The following ENOSF1 variants were observed in gnomAD, a reference collection of about 807,000 sequenced individuals.
ENOSF1 encodes the protein enolase superfamily member 1, also known as mitochondrial enolase superfamily member 1.
A neutral mutation model predicts 68.2 loss-of-function variants in ENOSF1; 73 were observed. The observed-to-expected ratio is 1.07, with a 90% confidence interval of 0.89 to 1.30. The LOEUF is 1.30. ENOSF1 is among the 50% of genes most tolerant of loss of function. The pLI is 0.00. For missense variants in ENOSF1, 589 were observed against 554.5 expected, an observed-to-expected ratio of 1.06 and a Z score of -0.62; for synonymous variants, 223 against 210.4, an observed-to-expected ratio of 1.06 and a Z score of -0.52.
intron 1 of ENOSF1, among the ~76,000 whole-genome samples, chr18:709,768 T>TAA (rs557376583): frequency 7.0e-6 from 1 of 143,862 alleles, no homozygotes. Context: ...AGACTCTGTC[T>TAA]AAAAAAAAAA....
At chr18:667,023 A>C (rs377610455), downstream of ENOSF1, among the ~76,000 whole-genome samples, 2 of 4,116 alleles carry the variant, frequency 4.9e-4, no homozygotes, top group African/African-American at 1.2e-3. Flanking sequence ...ATGGAGATGG[A>C]GATGGTGATG....
chr18:688,335 A>C, intron 9 of ENOSF1: 1 of 517,684 alleles, frequency 1.9e-6, no homozygotes, highest in East Asian at 3.2e-5. Context: ...TAGTGCCCGA[A>C]ATAAACAATC....
chr18:709,032 G>A (rs1729737602), intron 1 of ENOSF1, among the ~76,000 whole-genome samples: 3 of 152,220 alleles, frequency 2.0e-5, no homozygotes, highest in Admixed American at 2.0e-4. Context: ...TTGGGTCCCT[G>A]TGATTAGCGG....
chr18:666,960 T>G (rs1598468309), downstream of ENOSF1, among the ~76,000 whole-genome samples: 1 of 22,622 alleles, frequency 4.4e-5, no homozygotes, highest in Non-Finnish European at 8.4e-5. Flanking sequence ...GTGATGGAGA[T>G]GGAGATGGTG....
intron 9 of ENOSF1, chr18:686,929 CT>C (rs1463837140): frequency 3.3e-5 from 5 of 152,312 alleles, no homozygotes; most frequent in African/African-American, 9.7e-5. Flanking sequence ...GAGAGGGTGG[CT>C]GGCCTTAGGC....
At chr18:709,834 T>A (rs147868023) in intron 1 of ENOSF1, among the ~76,000 whole-genome samples, 1 of 152,132 alleles carries the variant, frequency 6.6e-6, no homozygotes, top group East Asian at 1.9e-4. Context: ...CTTGAAAATA[T>A]CCTACTTCTG....
chr18:692,563 C>T (rs1182152320), intron 5 of ENOSF1: 1 of 340,862 alleles, frequency 2.9e-6, no homozygotes, highest in Non-Finnish European at 4.1e-6. Context: ...TGCCACTGTA[C>T]TGTAGCCTGG....
At chr18:712,046 TA>T (rs1485960357) in intron 1 of ENOSF1, among the ~76,000 whole-genome samples, 1 of 152,208 alleles carries the variant, frequency 6.6e-6, no homozygotes, top group Non-Finnish European at 1.5e-5. Context: ...CGCTGTGCTC[TA>T]GGGTTTCCAC....
At chr18:676,434 A>C (rs917578295) in intron 14 of ENOSF1, among the ~76,000 whole-genome samples, 6 of 152,122 alleles carry the variant, frequency 3.9e-5, no homozygotes, top group Non-Finnish European at 1.5e-5. Flanking sequence ...TCTGTTGTTT[A>C]AAAGTGTGTA....
intron 2 of ENOSF1, among the ~76,000 whole-genome samples, 153 bp downstream of exon 2, chr18:706,317 T>C (rs1015150695): frequency 4.3e-5 from 4 of 92,580 alleles, no homozygotes; most frequent in African/African-American, 1.6e-4. Flanking sequence ...TAACAAACCA[T>C]GAAACTTTTT....
chr18:668,526 GCTAAACT>G (rs951617166), downstream of ENOSF1, among the ~76,000 whole-genome samples: 1 of 152,148 alleles, frequency 6.6e-6, no homozygotes. Flanking sequence ...GTGTTGAGCT[GCTAAACT>G]CTAAAGTAAT....
At chr18:698,499 CTG>C (rs2077981331) in intron 2 of ENOSF1, among the ~76,000 whole-genome samples, 1 of 152,134 alleles carries the variant, frequency 6.6e-6, no homozygotes, top group Non-Finnish European at 1.5e-5. Context: ...TATGAAAACA[CTG>C]TCTTAACATG....
intron 4 of ENOSF1, 39 bp from the exon 5 acceptor site, chr18:693,947 T>G (rs1026063866): frequency 6.2e-7 from 1 of 1,609,304 alleles, no homozygotes; most frequent in Non-Finnish European, 8.5e-7. Flanking sequence ...GACATATGTG[T>G]AAAGTCCCCA....
In ENOSF1 at chr18:677,393, T is replaced by G. The variant is rs1343740640; in HGVS notation, c.1100A>C (p.His367Pro). The part of the protein sequence containing the change: ...GGVGLCELVQ[H>P]LIIFDYISVS... ...TGATATGTAGTCAAATATAATCAGG[T>G]GCTGCACCAGTTCACAGAGGCCAAC... is the stretch of plus-strand genomic sequence containing the variant. The change falls in exon 14 of 16, where the codon CAC (histidine) becomes CCC (proline). Residue 367 changes from histidine (H) to proline (P), a missense_variant. Transcript: ENST00000647584. The G allele has an allele frequency of 2.5e-6, 4 of 1,613,706 alleles. No individual in the cohort carries two copies. In the Admixed American group the frequency reaches 6.7e-5, roughly 27 times the overall value.
At chr18:709,900 T>C (rs1023856451) in intron 1 of ENOSF1, among the ~76,000 whole-genome samples, 2 of 152,186 alleles carry the variant, frequency 1.3e-5, no homozygotes, top group African/African-American at 4.8e-5. Flanking sequence ...CGAGGGCATG[T>C]GAAGCCATCT....
chr18:674,141 A>T lies in ENOSF1; in HGVS notation c.*164T>A. 1.7e-6 allele frequency: 1 copy of T among 591,560 alleles called. No individual in the cohort carries two copies. The highest frequency in any genetic ancestry group is 3.0e-6 in the Non-Finnish European group (1 of 334,586). 36.6% of individuals were successfully genotyped at this position (591,560 alleles called of 1,614,324 possible). A position where few individuals can be genotyped will look rare whatever the true frequency, so the allele number is the denominator to read the frequency against. ...AGGATAACGTGCATTGATTTGCTAA[A>T]AGAATCAAGTAATAATTACTTAGCT... is the stretch of plus-strand genomic sequence containing the variant. On this transcript the variant is annotated 3_prime_UTR_variant, in exon 16 of 16. Transcript: ENST00000647584.
At chr18:688,465 A>G in intron 9 of ENOSF1, 109 bp downstream of exon 9, 2 of 1,459,618 alleles carry the variant, frequency 1.4e-6, no homozygotes, top group Admixed American at 1.7e-5. Flanking sequence ...AGCCAGGGGG[A>G]TCCTAGCCCG....
At chr18:691,320 G>T in intron 5 of ENOSF1, 44 bp from the exon 6 acceptor site, 1 of 1,496,266 alleles carries the variant, frequency 6.7e-7, no homozygotes, top group Non-Finnish European at 9.2e-7. Flanking sequence ...TCAATTATAA[G>T]GTGGGTTATA....
At chr18:693,549 T>C in intron 5 of ENOSF1, 1 of 985,394 alleles carries the variant, frequency 1.0e-6, no homozygotes, top group Non-Finnish European at 1.2e-6. Context: ...TGATCTTTAA[T>C]TTTGTGAGGT....
Sources: gnomAD v4.1 joint callset for allele counts (sites outside exome capture counted in the v4.1 genomes callset) on GRCh38, gnomAD v4.1.1 for gene constraint, MANE v1.5 for transcripts, NCBI Gene and HGNC (gene_info 2026-07-23, HGNC 2026-07-21) for gene names.